Variants in GLG1 observed in about 807,000 individuals in gnomAD.
GLG1 encodes golgi glycoprotein 1.
GLG1 carries 38 observed loss-of-function variants against 160.5 expected under a neutral mutation model. That is an observed-to-expected ratio of 0.24 (90% CI 0.18 to 0.31). The LOEUF is 0.31. Ranked by LOEUF, GLG1 falls within the 10% of genes least tolerant of loss-of-function variation. The pLI is 1.00. For missense variants in GLG1, 1,373 were observed against 1,505.2 expected (o/e 0.91, Z 1.45); for synonymous variants, 644 against 543.4 (o/e 1.19, Z -2.57).
intron 3 of GLG1, among the ~76,000 whole-genome samples, chr16:74,504,889 T>G (rs1165375818): frequency 6.6e-6 from 1 of 152,152 alleles, no homozygotes; most frequent in Non-Finnish European, 1.5e-5. Context: ...ATGCTGAAAT[T>G]CAGGCAAAAG....
rs1156992686 is a variant in GLG1 at position 74,496,470 on chromosome 16, G to A, written c.949C>T (p.Arg317Ter). ...TCACAAAAACGCTCCCGATCATCTC[G>A]GCAAGCAAAATATAAATGCCGGTCT... The part of the protein sequence containing the change: ...HLDRHLYFAC[R>*]DDRERFCENT... Residue 317 changes from arginine to a stop codon, truncating the protein, a stop_gained, in exon 5 of 26, where the codon CGA (arginine) becomes TGA (stop). Coordinates refer to ENST00000422840, the MANE Select transcript of GLG1 (RefSeq NM_001145667.2). LOFTEE classifies it high-confidence loss of function. The A allele has an allele frequency of 1.2e-6, 2 of 1,613,528 alleles. No individual in the cohort carries two copies. The highest frequency in any genetic ancestry group is 1.7e-5 in the Admixed American group (1 of 59,970).
intron 1 of GLG1, among the ~76,000 whole-genome samples, chr16:74,593,283 C>A (rs1958223892): frequency 6.6e-6 from 1 of 152,176 alleles, no homozygotes; most frequent in Admixed American, 6.6e-5. Flanking sequence ...ACACCCCTTT[C>A]TGCATCGTTG....
At chr16:74,570,897 C>T (rs1327277250) in intron 1 of GLG1, among the ~76,000 whole-genome samples, 2 of 151,940 alleles carry the variant, frequency 1.3e-5, no homozygotes, top group African/African-American at 4.8e-5. Flanking sequence ...GCCTACCACC[C>T]GCTGGCCCCT....
chr16:74,537,765 T>C (rs2143635284), intron 1 of GLG1, among the ~76,000 whole-genome samples: 1 of 140,926 alleles, frequency 7.1e-6, no homozygotes, highest in South Asian at 2.5e-4. Context: ...ATAATTTGTA[T>C]ATTATGATGG....
chr16:74,599,780 C>T (rs1597387464), intron 1 of GLG1, among the ~76,000 whole-genome samples: 1 of 151,808 alleles, frequency 6.6e-6, no homozygotes, highest in Admixed American at 6.6e-5. Flanking sequence ...AGGAGAATGG[C>T]GTGAACCCGG....
chr16:74,542,594 C>T (rs1320309596), intron 1 of GLG1, among the ~76,000 whole-genome samples: 2 of 150,042 alleles, frequency 1.3e-5, no homozygotes, highest in Non-Finnish European at 3.0e-5. Flanking sequence ...ATCGCTTGAA[C>T]CCAGAAGGCG....
chr16:74,557,706 A>G (rs1346895366), intron 1 of GLG1, among the ~76,000 whole-genome samples: 1 of 152,016 alleles, frequency 6.6e-6, no homozygotes, highest in Non-Finnish European at 1.5e-5. Flanking sequence ...TGGTGCAGCT[A>G]TCTGGAAGCA....
At chr16:74,579,112 T>A (rs1402064819) in intron 1 of GLG1, among the ~76,000 whole-genome samples, 1 of 152,080 alleles carries the variant, frequency 6.6e-6, no homozygotes, top group Non-Finnish European at 1.5e-5. Flanking sequence ...ACCCAGGAGT[T>A]CCAGGCTGTA....
At position 74,594,314 on chromosome 16, in the gene GLG1, A is replaced by C. The variant is rs1958252139; in HGVS notation, c.438+12343T>G. On this transcript the variant is annotated intron_variant, in intron 1 of 25. Coordinates refer to ENST00000422840, the MANE Select transcript of GLG1 (RefSeq NM_001145667.2). ...TCAGCACCCATTTTTAATATGATTC[A>C]CCCTATCAAGAATTATAGGTGTTAT... Among the ~76,000 whole-genome samples, 5 of 152,216 alleles carry C rather than the reference A, an allele frequency of 3.3e-5. No homozygotes were observed. In the East Asian group the frequency reaches 9.6e-4, roughly 29 times the overall value.
chr16:74,596,539 T>C (rs1446647749), intron 1 of GLG1, among the ~76,000 whole-genome samples: 2 of 152,128 alleles, frequency 1.3e-5, no homozygotes, highest in Non-Finnish European at 2.9e-5. Flanking sequence ...AAAAAAATTA[T>C]TGTGATATTA....
chr16:74,569,959 G>C (rs1445147999), intron 1 of GLG1, among the ~76,000 whole-genome samples: 1 of 150,756 alleles, frequency 6.6e-6, no homozygotes, highest in South Asian at 2.1e-4. Context: ...GAGGCCAGTG[G>C]ATCGCTTGAG....
At chr16:74,508,313 CAAAAA>C (rs35839355) in intron 3 of GLG1, among the ~76,000 whole-genome samples, 1 of 106,220 alleles carries the variant, frequency 9.4e-6, no homozygotes, top group African/African-American at 3.9e-5. Flanking sequence ...ATTATTGATT[CAAAAA>C]AAAAAAAAAC....
chr16:74,591,159 C>G (rs944302072), intron 1 of GLG1, among the ~76,000 whole-genome samples: 5 of 151,574 alleles, frequency 3.3e-5, no homozygotes, highest in Admixed American at 1.3e-4. Flanking sequence ...GGTGAAACCC[C>G]GTCTCTACTA....
intron 11 of GLG1, among the ~76,000 whole-genome samples, chr16:74,478,914 G>C (rs1188661466): frequency 7.2e-6 from 1 of 139,766 alleles, no homozygotes; most frequent in Non-Finnish European, 1.5e-5. Flanking sequence ...AAAAAGGGGG[G>C]GGTTATTTTG....
intron 1 of GLG1, among the ~76,000 whole-genome samples, chr16:74,602,628 C>CA (rs1050704309): frequency 6.3e-4 from 96 of 152,014 alleles, no homozygotes; most frequent in African/African-American, 2.1e-3. Flanking sequence ...CTAAAAAATA[C>CA]AAAAATTAGC....
intron 1 of GLG1, among the ~76,000 whole-genome samples, chr16:74,562,307 A>G (rs550686836): frequency 6.6e-6 from 1 of 152,372 alleles, no homozygotes; most frequent in East Asian, 1.9e-4. Context: ...AGTAGAAAAT[A>G]TAAGTTGACT....
chr16:74,575,593 C>T (rs2018979543), intron 1 of GLG1, among the ~76,000 whole-genome samples: 1 of 152,092 alleles, frequency 6.6e-6, no homozygotes, highest in Admixed American at 6.6e-5. Context: ...ATCTCTCGCT[C>T]TGTTTTTGTT....
At chr16:74,483,584 C>T (rs572036908) in intron 9 of GLG1, among the ~76,000 whole-genome samples, 22 of 152,232 alleles carry the variant, frequency 1.4e-4, no homozygotes, top group Non-Finnish European at 2.4e-4. Context: ...CATTATCACA[C>T]CACTAAGCAA....
At chr16:74,553,358 G>A (rs1274561433) in intron 1 of GLG1, among the ~76,000 whole-genome samples, 1 of 151,886 alleles carries the variant, frequency 6.6e-6, no homozygotes, top group Non-Finnish European at 1.5e-5. Flanking sequence ...CACCATGCTC[G>A]GCTACTATTT....
Sources: allele counts gnomAD v4.1 joint callset (sites outside exome capture counted in the v4.1 genomes callset), GRCh38; gene constraint gnomAD v4.1.1; transcripts MANE v1.5; gene names NCBI Gene and HGNC (gene_info 2026-07-23, HGNC 2026-07-21).